Variants in DOCK9 observed in about 807,000 individuals in gnomAD.
DOCK9 encodes dedicator of cytokinesis protein 9.
In DOCK9, 89 loss-of-function variants were observed where a neutral mutation model predicts 263.3. The ratio of observed to expected loss-of-function variants is 0.34; its 90% CI spans 0.28 to 0.40. The LOEUF (loss-of-function observed/expected upper bound fraction) is 0.40. Among genes scored for constraint, DOCK9 ranks in the 10% least tolerant of loss-of-function variants. The probability of loss-of-function intolerance (pLI) is 1.00; values close to 1 mark genes in which losing one functional copy is unlikely to be tolerated. For synonymous variants in DOCK9, 976 were observed against 973.1 expected (o/e 1.00, Z -0.06); for missense variants, 2,140 against 2,603.4 (o/e 0.82, Z 3.87).
chr13:99,008,234 A>ATATATATATATATAT (rs1233268084), intron 1 of DOCK9, among the ~76,000 whole-genome samples: 1 of 94,098 alleles, frequency 1.1e-5, no homozygotes, highest in South Asian at 4.0e-4. Flanking sequence ...ATATATATAT[A>ATATATATATATATAT]TTTTTTTTTT....
chr13:98,807,754 G>A lies in DOCK9; in HGVS notation c.5421C>T (p.Leu1807=), dbSNP rs781606571. ...TCTGAGAAATTTCCGACAGCGGTGT[G>A]AGTTTGGGTTCCTTGTAAATATACT... The part of the protein sequence containing the change: ...GKEYIYKEPK[L]TPLSEISQRL... Residue 1807 remains leucine, a synonymous_variant, in exon 48 of 53, where the codon CTC becomes CTT. Transcript: ENST00000682017. The A allele has an allele frequency of 6.2e-7, 1 of 1,613,698 alleles. No individual in the cohort carries two copies.
chr13:99,041,724 A>T (rs564175471), intron 1 of DOCK9, among the ~76,000 whole-genome samples: 1 of 152,330 alleles, frequency 6.6e-6, no homozygotes, highest in African/African-American at 2.4e-5. Flanking sequence ...AGATATAATG[A>T]AGGATCTTGA....
intron 46 of DOCK9, 116 bp downstream of exon 46, chr13:98,810,053 A>AC: frequency 7.1e-7 from 1 of 1,412,072 alleles, no homozygotes; most frequent in Admixed American, 1.8e-5. Flanking sequence ...AGGGTCAGAG[A>AC]CCCCCACTCA....
Position 99,054,107 on chromosome 13 carries a change from A to C in DOCK9, c.129+32116T>G, listed in dbSNP as rs146867772. ...GTAAGACACTGCAATTCTTTGCCGC[A>C]TCTCAAAAGAGGAGACTCTTCTGGT... On this transcript the variant is annotated intron_variant, in intron 1 of 32. Transcript: ENST00000427887. Among the ~76,000 whole-genome samples the C allele has an allele frequency of 1.7e-3, 257 of 152,324 alleles. 3 individuals are homozygous for C. The highest frequency in any genetic ancestry group is 5.7e-3 in the African/African-American group (238 of 41,554).
At chr13:99,081,393 C>T (rs1400579882) in intron 1 of DOCK9, among the ~76,000 whole-genome samples, 5 of 152,152 alleles carry the variant, frequency 3.3e-5, no homozygotes, top group African/African-American at 7.2e-5. Flanking sequence ...AATTTAGCAA[C>T]GACCTGACTT....
chr13:98,886,028 AG>A (rs1384576072), intron 19 of DOCK9, among the ~76,000 whole-genome samples, 197 bp from the exon 20 acceptor site: 1 of 152,256 alleles, frequency 6.6e-6, no homozygotes, highest in African/African-American at 2.4e-5. Context: ...ACTCAGAAAC[AG>A]GAAGAGAGTT....
At chr13:98,953,701 C>CT (rs2057704208) in intron 2 of DOCK9, among the ~76,000 whole-genome samples, 1 of 152,180 alleles carries the variant, frequency 6.6e-6, no homozygotes, top group South Asian at 2.1e-4. Flanking sequence ...TTTGATTTTG[C>CT]TTTTCATTTG....
At chr13:99,055,811 G>C (rs925805175) in intron 1 of DOCK9, among the ~76,000 whole-genome samples, 2 of 151,540 alleles carry the variant, frequency 1.3e-5, no homozygotes, top group African/African-American at 2.4e-5. Context: ...ACAGACACTA[G>C]ATACAGGCTA....
chr13:99,076,317 A>G (rs1356848072), intron 1 of DOCK9, among the ~76,000 whole-genome samples: 2 of 152,202 alleles, frequency 1.3e-5, no homozygotes, highest in Non-Finnish European at 2.9e-5. Flanking sequence ...TTAACACAAG[A>G]GTTAGATCAG....
Position 98,915,510 on chromosome 13 carries a change from T to C in DOCK9, c.718-7A>G, listed in dbSNP as rs1566952783. 2.5e-6 allele frequency: 4 copies of C among 1,599,878 alleles called. No homozygotes were observed. Among genetic ancestry groups the C allele is most frequent in the Middle Eastern group, 1.7e-4 (1 of 5,962 alleles). On this transcript the variant is annotated splice_polypyrimidine_tract_variant and splice_region_variant and intron_variant, in intron 7 of 52. Coordinates refer to ENST00000682017, the MANE Select transcript of DOCK9 (RefSeq NM_001366683.2). ...AACGCCTGACTTTGTTGTTCTGAAA[T>C]GAAAAAAGGATAAACAGACATACTT...
chr13:99,035,518 A>C (rs1887780424), intron 1 of DOCK9, among the ~76,000 whole-genome samples: 1 of 152,204 alleles, frequency 6.6e-6, no homozygotes, highest in Admixed American at 6.5e-5. Context: ...CATGCACTTA[A>C]ATGGGAAGGA....
intron 2 of DOCK9, among the ~76,000 whole-genome samples, chr13:98,940,127 T>A (rs1298471762): frequency 6.6e-6 from 1 of 152,234 alleles, no homozygotes; most frequent in Non-Finnish European, 1.5e-5. Context: ...CAAGCTAGAC[T>A]GGAAACTAAA....
chr13:98,897,720 G>T, intron 14 of DOCK9, 110 bp from the exon 15 acceptor site: 1 of 1,415,506 alleles, frequency 7.1e-7, no homozygotes, highest in Non-Finnish European at 9.6e-7. Context: ...ATTGGCTATA[G>T]CCAACAGAAA....
Position 99,038,288 on chromosome 13 carries a change from C to CCG in DOCK9, c.129+47934_129+47935insCG, listed in dbSNP as rs1888110933. 2.7e-4 allele frequency among the ~76,000 whole-genome samples: 23 copies of CCG among 86,262 alleles called. 1 individual carries two copies. Among genetic ancestry groups the CCG allele is most frequent in the African/African-American group, 8.8e-4 (19 of 21,552 alleles). 56.6% of individuals were successfully genotyped at this position (86,262 alleles called of 152,430 possible). Reference sequence around the variant, plus strand: ...GCTGAAAAACTGGCTTTATGCCCCCCTTTTTTTTTTTTTTTTTTTTTTTTT... The same window carrying CCG: ...GCTGAAAAACTGGCTTTATGCCCCCCCGTTTTTTTTTTTTTTTTTTTTTTTTT... On this transcript the variant is annotated intron_variant, in intron 1 of 32. Transcript: ENST00000427887.
intron 1 of DOCK9, among the ~76,000 whole-genome samples, chr13:99,030,930 T>C (rs1343986362): frequency 6.6e-6 from 1 of 152,230 alleles, no homozygotes; most frequent in Non-Finnish European, 1.5e-5. Context: ...ATTTGTTGAT[T>C]GCTAGATGAT....
At chr13:98,811,068 G>A (rs2091253832) in intron 45 of DOCK9, among the ~76,000 whole-genome samples, 3 of 152,204 alleles carry the variant, frequency 2.0e-5, no homozygotes, top group South Asian at 4.1e-4. Flanking sequence ...CTCAGTAGCA[G>A]AGTGAAGGGC....
chr13:98,937,758 G>A lies in DOCK9; in HGVS notation c.244-7501C>T, dbSNP rs1174044151. Among the ~76,000 whole-genome samples, 6 of 150,104 alleles carry A rather than the reference G, an allele frequency of 4.0e-5. No individual in the cohort carries two copies. In the South Asian group the frequency reaches 1.3e-3, roughly 32 times the overall value. ...GAATGAGCTAGAAAAGCACAGAGTT[G>A]CTCCCAGAATAAAAAGAGTGAAATT... On this transcript the variant is annotated intron_variant, in intron 2 of 52. Coordinates refer to ENST00000682017, the MANE Select transcript of DOCK9 (RefSeq NM_001366683.2).
At chr13:98,930,114 G>A (rs2053666547) in intron 3 of DOCK9, 54 bp downstream of exon 3, 1 of 1,458,254 alleles carries the variant, frequency 6.9e-7, no homozygotes, top group Admixed American at 1.9e-5. Flanking sequence ...AGAAAAGGAG[G>A]CAGTTAGGGG....
At chr13:98,855,526 C>T (rs557959577) in intron 34 of DOCK9, among the ~76,000 whole-genome samples, 22 of 152,030 alleles carry the variant, frequency 1.4e-4, no homozygotes, top group Non-Finnish European at 2.6e-4. Context: ...GAATTGAGAT[C>T]GTGCCGCTGT....
Sources: gnomAD v4.1 joint callset for allele counts (sites outside exome capture counted in the v4.1 genomes callset) on GRCh38, gnomAD v4.1.1 for gene constraint, MANE v1.5 for transcripts, NCBI Gene and HGNC (gene_info 2026-07-23, HGNC 2026-07-21) for gene names.